LMAN2L: variants seen among roughly 807,000 people sequenced by gnomAD.
LMAN2L encodes the protein VIP36-like protein.
In LMAN2L, 30 loss-of-function variants were observed where a neutral mutation model predicts 44.3. The observed-to-expected ratio is 0.68, with a 90% CI of 0.51 to 0.92. LMAN2L has a LOEUF of 0.92. LMAN2L is among the 40% of genes least tolerant of loss of function. The pLI is 0.00. For synonymous variants in LMAN2L, 183 were observed against 171.1 expected (o/e 1.07, Z -0.54); for missense variants, 429 against 446.1 (o/e 0.96, Z 0.35).
At chr2:96,722,747 G>A (rs533961981) in intron 4 of LMAN2L, among the ~76,000 whole-genome samples, 1 of 152,308 alleles carries the variant, frequency 6.6e-6, no homozygotes, top group South Asian at 2.1e-4. Flanking sequence ...TAGGCCGGGT[G>A]CAGTGGCTCA....
chr2:96,733,517 A>T lies in LMAN2L; in HGVS notation c.507+2T>A, dbSNP rs769697781. ...GACCTAGGCTCTGACACTTGCCATT[A>T]CCTCTTGCTGCTTCTCCTCATTGGG... is the stretch of plus-strand genomic sequence containing the variant. On this transcript the variant is annotated splice_donor_variant, in intron 4 of 7. Transcript: ENST00000264963. LOFTEE classifies it high-confidence loss of function. The T allele has an allele frequency of 3.1e-6, 5 of 1,611,278 alleles. No homozygotes were observed. The African/African-American group carries it at 6.7e-5, about 22-fold the overall frequency.
chr2:96,730,007 T>G (rs897023169), intron 4 of LMAN2L, among the ~76,000 whole-genome samples: 1 of 152,142 alleles, frequency 6.6e-6, no homozygotes, highest in Non-Finnish European at 1.5e-5. Context: ...CAATGTGCAC[T>G]TGGAAGTAAG....
chr2:96,719,424 C>T (rs2078104698), intron 4 of LMAN2L, among the ~76,000 whole-genome samples: 1 of 151,852 alleles, frequency 6.6e-6, no homozygotes, highest in South Asian at 2.1e-4. Context: ...AGTAAAGAGA[C>T]CACTTTGGGA....
At chr2:96,710,546 C>T (rs867658035) in intron 6 of LMAN2L, among the ~76,000 whole-genome samples, 11 of 152,218 alleles carry the variant, frequency 7.2e-5, no homozygotes, top group Middle Eastern at 3.4e-3. Context: ...CGCCTGTAGT[C>T]CCAGCTACTT....
At chr2:96,724,602 C>A (rs2078228416) in intron 4 of LMAN2L, among the ~76,000 whole-genome samples, 1 of 152,074 alleles carries the variant, frequency 6.6e-6, no homozygotes. Context: ...CCCTCCTGAG[C>A]AAACCTCCAC....
At chr2:96,714,291 C>G (rs534029308) in intron 4 of LMAN2L, among the ~76,000 whole-genome samples, 1 of 152,318 alleles carries the variant, frequency 6.6e-6, no homozygotes, top group African/African-American at 2.4e-5. Flanking sequence ...GGAAACAGAT[C>G]AGTCAGAATC....
chr2:96,728,669 G>A (rs6576981), intron 4 of LMAN2L, among the ~76,000 whole-genome samples: 18 of 151,806 alleles, frequency 1.2e-4, no homozygotes, highest in Admixed American at 4.6e-4. Context: ...GCAGTGAAAC[G>A]CCGCCTCTAC....
chr2:96,712,382 C>T (rs1025651276), intron 4 of LMAN2L, among the ~76,000 whole-genome samples: 2 of 152,186 alleles, frequency 1.3e-5, no homozygotes, highest in Non-Finnish European at 2.9e-5. Context: ...GTATATGTAC[C>T]TATCTCCCCA....
chr2:96,723,701 G>C (rs1244842595), intron 4 of LMAN2L, among the ~76,000 whole-genome samples: 1 of 151,878 alleles, frequency 6.6e-6, no homozygotes, highest in Non-Finnish European at 1.5e-5. Context: ...AATTTTCTGT[G>C]TGGTGTGAAA....
At chr2:96,737,595 G>A (rs767548298) in intron 2 of LMAN2L, among the ~76,000 whole-genome samples, 2 of 152,226 alleles carry the variant, frequency 1.3e-5, no homozygotes, top group Non-Finnish European at 2.9e-5. Context: ...TGAGGCTGCA[G>A]TGAGCTATGA....
chr2:96,719,365 C>T (rs1310903043), intron 4 of LMAN2L, among the ~76,000 whole-genome samples: 2 of 152,072 alleles, frequency 1.3e-5, no homozygotes, highest in Middle Eastern at 3.2e-3. Flanking sequence ...TCCTTTCTCC[C>T]TCTTTCACTG....
At chr2:96,725,862 C>T (rs1435588842) in intron 4 of LMAN2L, among the ~76,000 whole-genome samples, 2 of 152,094 alleles carry the variant, frequency 1.3e-5, no homozygotes, top group East Asian at 1.9e-4. Flanking sequence ...TTGCCAGGCG[C>T]GGTACCTCAC....
chr2:96,707,965 T>C, intron 6 of LMAN2L, 132 bp from the exon 7 acceptor site: 1 of 869,772 alleles, frequency 1.1e-6, no homozygotes, highest in Non-Finnish European at 1.8e-6. Flanking sequence ...TTGAAACCTC[T>C]CCATTTTGCA....
chr2:96,719,727 C>A (rs1379080067), intron 4 of LMAN2L, among the ~76,000 whole-genome samples: 1 of 152,174 alleles, frequency 6.6e-6, no homozygotes, highest in Non-Finnish European at 1.5e-5. Context: ...TCCCAAGAAG[C>A]TGGGATTATA....
intron 4 of LMAN2L, among the ~76,000 whole-genome samples, chr2:96,714,863 C>A (rs1370963225): frequency 2.6e-5 from 4 of 152,186 alleles, no homozygotes; most frequent in Admixed American, 2.0e-4. Flanking sequence ...CCTGAAGGAG[C>A]TTGTTAACTG....
chr2:96,739,549 A>G (rs1262510223), intron 1 of LMAN2L, among the ~76,000 whole-genome samples: 1 of 151,960 alleles, frequency 6.6e-6, no homozygotes, highest in Non-Finnish European at 1.5e-5. Flanking sequence ...GTAGCCCTCA[A>G]TCACTCCTCA....
chr2:96,722,452 A>G (rs1383329700), intron 4 of LMAN2L, among the ~76,000 whole-genome samples: 1 of 151,780 alleles, frequency 6.6e-6, no homozygotes, highest in African/African-American at 2.4e-5. Flanking sequence ...AGAAAACTAG[A>G]TCCCTCGCAT....
chr2:96,730,302 C>G (rs2078365463), intron 4 of LMAN2L, among the ~76,000 whole-genome samples: 1 of 152,136 alleles, frequency 6.6e-6, no homozygotes, highest in Admixed American at 6.6e-5. Flanking sequence ...AGCATGACTA[C>G]AAATCCAGTC....
rs1490282583 is a variant in LMAN2L at position 96,740,046 on chromosome 2, C to A, written c.-6G>T. 4 of 1,600,204 alleles carry A rather than the reference C, an allele frequency of 2.5e-6. No homozygotes were observed. The highest frequency in any genetic ancestry group is 3.4e-6 in the Non-Finnish European group (4 of 1,173,606). ...GGTCCCAGAGTCGCCGCCATCTTTCCCACCAACGACCCTTCATCAAAAGCC... is the reference window on the plus strand; with the variant it reads ...GGTCCCAGAGTCGCCGCCATCTTTCACACCAACGACCCTTCATCAAAAGCC... On this transcript the variant is annotated 5_prime_UTR_variant, in exon 1 of 8. Transcript: ENST00000264963.
Sources: gnomAD v4.1 joint callset for allele counts (sites outside exome capture counted in the v4.1 genomes callset) on GRCh38, gnomAD v4.1.1 for gene constraint, MANE v1.5 for transcripts, NCBI Gene and HGNC (gene_info 2026-07-23, HGNC 2026-07-21) for gene names.